ENPP1: variants seen among roughly 807,000 people sequenced by gnomAD.
The protein encoded by ENPP1 is ectonucleotide pyrophosphatase/phosphodiesterase 1.
A neutral mutation model predicts 122.8 loss-of-function variants in ENPP1; 73 were observed. That is an observed-to-expected ratio of 0.59 (90% CI 0.49 to 0.72). The LOEUF is 0.72. ENPP1 is among the 30% of genes least tolerant of loss of function. ENPP1 has a pLI of 0.00. For synonymous variants in ENPP1, 367 were observed against 391.6 expected (o/e 0.94, Z 0.74); for missense variants, 978 against 1,128.1 (o/e 0.87, Z 1.91).
chr6:131,888,156 C>T (rs1782413531), intron 24 of ENPP1, among the ~76,000 whole-genome samples: 1 of 152,052 alleles, frequency 6.6e-6, no homozygotes, highest in Admixed American at 6.6e-5. Context: ...GCCACTGTGC[C>T]CGGCCCATTT....
At chr6:131,861,854 T>C (rs930945069) in intron 9 of ENPP1, 150 bp downstream of exon 9, 3 of 629,398 alleles carry the variant, frequency 4.8e-6, no homozygotes, top group African/African-American at 3.7e-5. Context: ...AGAGTTTAGA[T>C]AGATGGTAAA....
chr6:131,877,187 C>T (rs1442940581), intron 18 of ENPP1, 26 bp downstream of exon 18: 4 of 1,608,444 alleles, frequency 2.5e-6, no homozygotes, highest in Non-Finnish European at 3.4e-6. Flanking sequence ...AAGTTTGGTC[C>T]AGTATGTATG....
At chr6:131,874,661 C>T (rs1250778168) in intron 16 of ENPP1, among the ~76,000 whole-genome samples, 2 of 151,990 alleles carry the variant, frequency 1.3e-5, no homozygotes, top group African/African-American at 4.8e-5. Context: ...AATGAAACTA[C>T]CCCTAATCTA....
At chr6:131,826,065 G>T in intron 1 of ENPP1, 1 of 772,430 alleles carries the variant, frequency 1.3e-6, no homozygotes, top group East Asian at 2.4e-5. Flanking sequence ...CAATCAGACA[G>T]CTCTGCTTTA....
At chr6:131,874,392 A>G (rs534605051) in intron 16 of ENPP1, 55 bp downstream of exon 16, 123 of 975,734 alleles carry the variant, frequency 1.3e-4, no homozygotes, top group Middle Eastern at 2.1e-4. Context: ...AATGATATGC[A>G]AAGTTTTAGA....
intron 20 of ENPP1, among the ~76,000 whole-genome samples, chr6:131,881,904 A>G (rs949630984): frequency 3.3e-5 from 5 of 152,236 alleles, no homozygotes; most frequent in African/African-American, 9.6e-5. Context: ...CTGTAGTCCC[A>G]GCTACTCGGG....
At position 131,862,558 on chromosome 6, in the gene ENPP1, G is replaced by A. The variant is rs137869354; in HGVS notation, c.1025+854G>A. The stretch of plus-strand genomic sequence containing the variant: ...AGGATAATTTGGCAGACAGGAGTTC[G>A]GGAAGTGGGGAATGCTGATGCGTTG... On this transcript the variant is annotated intron_variant, in intron 9 of 24. Coordinates refer to ENST00000647893, the MANE Select transcript of ENPP1 (RefSeq NM_006208.3). Among the ~76,000 whole-genome samples, 134 of 152,298 alleles carry A rather than the reference G, an allele frequency of 8.8e-4. No homozygotes were observed. The Middle Eastern group carries it at 0.01, about 12-fold the overall frequency.
At position 131,868,005 on chromosome 6, in the gene ENPP1, T is replaced by C; in HGVS notation, c.1165-13T>C. The stretch of plus-strand genomic sequence containing the variant: ...GGAAGGTATCACATGAGGTTGTTGC[T>C]TCCCATTCTTAGGTCATCAAAGCCT... On this transcript the variant is annotated splice_polypyrimidine_tract_variant and intron_variant, in intron 11 of 24. Transcript: ENST00000647893. 1 of 1,581,576 alleles carries C rather than the reference T, an allele frequency of 6.3e-7. No individual in the cohort carries two copies. Among genetic ancestry groups the C allele is most frequent in the Non-Finnish European group, 8.7e-7 (1 of 1,150,538 alleles).
rs1204640298 is a variant in ENPP1, at chr6:131,837,177, TG to T, written c.241-10598del. Among the ~76,000 whole-genome samples, 3 of 137,498 alleles carry T rather than the reference TG, an allele frequency of 2.2e-5. 1 individual carries two copies. Among genetic ancestry groups the T allele is most frequent in the Admixed American group, 2.1e-4 (3 of 14,136 alleles). The allele number at this position is 137,498 out of a possible 152,430, so 90.2% of individuals were successfully genotyped here. On this transcript the variant is annotated intron_variant, in intron 1 of 24. Coordinates refer to ENST00000647893, the MANE Select transcript of ENPP1 (RefSeq NM_006208.3). ...ATTTGGGGTTCCTGTTGTCATTGTG[TG>T]TGTGTGTGTGTGTGTGTGTGTGTGT...
chr6:131,851,150 T>C lies in ENPP1; in HGVS notation c.439T>C (p.Trp147Arg), dbSNP rs909844468. ...CTGATGTTTGTTTCTAGAACATATA[T>C]GGACTTGCAACAAATTCAGGTGTGG... Reference protein sequence around the residue: ...QETCIEPEHIWTCNKFRCGEK... With the variant: ...QETCIEPEHIRTCNKFRCGEK... Residue 147 changes from tryptophan (W) to arginine (R), a missense_variant, in exon 4 of 25, where the codon TGG (tryptophan) becomes CGG (arginine). Coordinates refer to ENST00000647893, the MANE Select transcript of ENPP1 (RefSeq NM_006208.3). The C allele has an allele frequency of 3.7e-6, 6 of 1,613,938 alleles. No individual in the cohort carries two copies. Among genetic ancestry groups the C allele is most frequent in the Non-Finnish European group, 5.1e-6 (6 of 1,179,920 alleles).
At chr6:131,880,079 G>GTTCTGCTTAATCATTA in intron 20 of ENPP1, 45 bp downstream of exon 20, 2 of 1,561,398 alleles carry the variant, frequency 1.3e-6, no homozygotes, top group Non-Finnish European at 1.8e-6. Context: ...TCAAATTAAT[G>GTTCTGCTTAATCATTA]ATTAAGCAGA....
Position 131,892,852 on chromosome 6 carries a change from G to T in ENPP1, c.*2341G>T, listed in dbSNP as rs1316216645. On this transcript the variant is annotated 3_prime_UTR_variant, in exon 25 of 25. Transcript: ENST00000647893. ...AGTACAGCCTTTTTTACCCTTGCTT[G>T]GCTACCCTTTTCTGGTCCTTTGGCA... The T allele has an allele frequency of 6.6e-6, 1 of 152,038 alleles. No individual in the cohort carries two copies. Among genetic ancestry groups the T allele is most frequent in the Non-Finnish European group, 1.5e-5 (1 of 68,026 alleles). The allele number at this position is 152,038 out of a possible 1,614,324, so 9.4% of individuals were successfully genotyped here. A position where few individuals can be genotyped will look rare whatever the true frequency, so the allele number is the denominator to read the frequency against.
chr6:131,887,983 C>T lies in ENPP1; in HGVS notation c.2607+1259C>T, dbSNP rs1221945996. On this transcript the variant is annotated intron_variant, in intron 24 of 24. Transcript: ENST00000647893. ...TCAAGCGATTCTCCTGCCTCAGCCT[C>T]CCGAATAGCTGGGATTACAGGCACC... Among the ~76,000 whole-genome samples, 54 of 151,054 alleles carry T rather than the reference C, an allele frequency of 3.6e-4. 2 individuals are homozygous for T. Among genetic ancestry groups the T allele is most frequent in the Admixed American group, 3.4e-3 (52 of 15,116 alleles).
intron 1 of ENPP1, among the ~76,000 whole-genome samples, chr6:131,812,911 C>T (rs1781370999): frequency 6.6e-6 from 1 of 152,120 alleles, no homozygotes; most frequent in Non-Finnish European, 1.5e-5. Context: ...ACAATCTCGG[C>T]CCACTGCAAC....
chr6:131,870,562 G>T (rs1232332078), intron 13 of ENPP1, among the ~76,000 whole-genome samples: 8 of 152,244 alleles, frequency 5.3e-5, no homozygotes, highest in African/African-American at 1.9e-4. Flanking sequence ...ACAATTACCG[G>T]AATTGGGTTA....
chr6:131,864,156 T>C (rs1315007509), intron 9 of ENPP1, among the ~76,000 whole-genome samples: 1 of 152,180 alleles, frequency 6.6e-6, no homozygotes. Context: ...TTCACAGCTG[T>C]GCTGAGTCAT....
intron 8 of ENPP1, 43 bp downstream of exon 8, chr6:131,860,549 T>C: frequency 7.0e-7 from 1 of 1,433,206 alleles, no homozygotes; most frequent in Non-Finnish European, 9.8e-7. Context: ...ATTATTCTCA[T>C]CTATTTCAAT....
At chr6:131,880,193 G>T (rs905221425) in intron 20 of ENPP1, among the ~76,000 whole-genome samples, 159 bp downstream of exon 20, 6 of 152,172 alleles carry the variant, frequency 3.9e-5, no homozygotes, top group Admixed American at 3.9e-4. Context: ...TCCAGTTCAA[G>T]CTCTGCCACT....
chr6:131,836,415 AGT>A (rs71809355), intron 1 of ENPP1, among the ~76,000 whole-genome samples: 47,076 of 150,470 alleles, frequency 0.31, 8,211 homozygotes, highest in South Asian at 0.49. Context: ...CACCCAGCCG[AGT>A]GTGTGTGTGT....
Sources: gnomAD v4.1 joint callset for allele counts (sites outside exome capture counted in the v4.1 genomes callset) on GRCh38, gnomAD v4.1.1 for gene constraint, MANE v1.5 for transcripts, NCBI Gene and HGNC (gene_info 2026-07-23, HGNC 2026-07-21) for gene names.